The following SLCO1B1 variants were observed in gnomAD, a reference collection of about 807,000 sequenced individuals.
SLCO1B1 encodes solute carrier organic anion transporter family member 1B1.
Under a neutral mutation model 70.1 loss-of-function variants are expected in SLCO1B1, and 81 were observed. That is an observed-to-expected ratio of 1.16 (90% CI 0.97 to 1.39). The LOEUF is 1.39. Among genes scored for constraint, SLCO1B1 ranks in the 40% most tolerant of loss-of-function variants. The pLI, the probability that SLCO1B1 is intolerant of heterozygous loss-of-function variation, is 0.00. For synonymous variants in SLCO1B1, 283 were observed against 271.5 expected (o/e 1.04, Z -0.42); for missense variants, 895 against 799.6 (o/e 1.12, Z -1.44).
At chr12:21,170,257 G>C (rs554109416) in intron 2 of SLCO1B1, among the ~76,000 whole-genome samples, 1 of 152,262 alleles carries the variant, frequency 6.6e-6, no homozygotes, top group East Asian at 1.9e-4. Flanking sequence ...GCACAGGGTG[G>C]AGTGAGAAAG....
At chr12:21,166,636 C>T (rs949038029) in intron 2 of SLCO1B1, among the ~76,000 whole-genome samples, 5 of 152,122 alleles carry the variant, frequency 3.3e-5, no homozygotes, top group Admixed American at 6.5e-5. Flanking sequence ...AAAAATATAC[C>T]AAATACTGGC....
rs778504324 is a variant in SLCO1B1 at position 21,142,986 on chromosome 12, G to A, written c.84+1328G>A. On this transcript the variant is annotated intron_variant, in intron 2 of 14. Coordinates refer to ENST00000256958, the MANE Select transcript of SLCO1B1 (RefSeq NM_006446.5). ...CTGGGATAAGACTGGCATCCCTAAT[G>A]CTGGTATTTCAGAAACATCGCTAAA... Among the ~76,000 whole-genome samples the A allele has an allele frequency of 1.1e-4, 16 of 152,046 alleles. 1 individual carries two copies. Among genetic ancestry groups the A allele is most frequent in the Non-Finnish European group, 2.2e-4 (15 of 67,952 alleles).
chr12:21,155,647 T>C (rs1383114044), intron 2 of SLCO1B1, among the ~76,000 whole-genome samples: 1 of 152,174 alleles, frequency 6.6e-6, no homozygotes, highest in African/African-American at 2.4e-5. Flanking sequence ...AGGATAGAAC[T>C]CTGTCATTGT....
intron 12 of SLCO1B1, among the ~76,000 whole-genome samples, chr12:21,220,113 T>C (rs2121185364): frequency 1.3e-5 from 2 of 152,306 alleles, no homozygotes; most frequent in South Asian, 4.1e-4. Context: ...ACATTGAATG[T>C]GGCATGTGAG....
intron 2 of SLCO1B1, among the ~76,000 whole-genome samples, chr12:21,152,403 T>C (rs576880434): frequency 4.9e-4 from 75 of 151,836 alleles, no homozygotes; most frequent in African/African-American, 1.7e-3. Context: ...TCTTCAAAAT[T>C]ATATATATTT....
rs1211931540 is a variant in SLCO1B1 at position 21,222,372 on chromosome 12, G to GGAAAAA, written c.1747+8_1747+9insGAAAAA. On this transcript the variant is annotated intron_variant, in intron 13 of 14. Transcript: ENST00000256958. The stretch of plus-strand genomic sequence containing the variant: ...TGGTTATACGAGCACTAGGTATGAT[G>GGAAAAA]AAAAAAAAAAAAAAAAAAAAAAAAA... 7 of 24,938 alleles carry GGAAAAA rather than the reference G, an allele frequency of 2.8e-4. No homozygotes were observed. The highest frequency in any genetic ancestry group is 1.0e-3 in the Admixed American group (1 of 988). The allele number at this position is 24,938 out of a possible 1,614,324, so 1.5% of individuals were successfully genotyped here.
intron 14 of SLCO1B1, among the ~76,000 whole-genome samples, chr12:21,228,026 A>G (rs1465590673): frequency 1.3e-5 from 2 of 152,046 alleles, no homozygotes; most frequent in Non-Finnish European, 2.9e-5. Context: ...ATATATATGC[A>G]TATATAAGAC....
intron 10 of SLCO1B1, among the ~76,000 whole-genome samples, chr12:21,203,223 A>G (rs1245981940): frequency 1.3e-5 from 2 of 152,036 alleles, no homozygotes; most frequent in Admixed American, 1.3e-4. Context: ...TTTGCAAGCT[A>G]ATATTGTTTT....
At chr12:21,211,257 G>C (rs1295182178) in intron 11 of SLCO1B1, among the ~76,000 whole-genome samples, 1 of 152,168 alleles carries the variant, frequency 6.6e-6, no homozygotes, top group Non-Finnish European at 1.5e-5. Flanking sequence ...TTTATTGAGA[G>C]TTTTTAGCAT....
rs77271279 is a variant in SLCO1B1 at position 21,176,898 on chromosome 12, G to T, written c.481+1G>T. The stretch of plus-strand genomic sequence containing the variant: ...GCATCACCTGAGATAGTGGGAAAAG[G>T]TAAGAATTAATATTGACAGTAAAAA... On this transcript the variant is annotated splice_donor_variant, in intron 5 of 14. Transcript: ENST00000256958. LOFTEE classifies it high-confidence loss of function. The T allele has an allele frequency of 1.6e-3, 2,508 of 1,547,080 alleles. 46 individuals are homozygous for T. In the African/African-American group the frequency reaches 0.029, roughly 18 times the overall value.
chr12:21,219,783 G>A (rs1222271481), intron 12 of SLCO1B1, among the ~76,000 whole-genome samples: 2 of 152,096 alleles, frequency 1.3e-5, no homozygotes, highest in Non-Finnish European at 2.9e-5. Context: ...ATTTTTGAGA[G>A]ACAGTCTTGC....
At chr12:21,142,392 G>A (rs897449387) in intron 2 of SLCO1B1, among the ~76,000 whole-genome samples, 4 of 151,960 alleles carry the variant, frequency 2.6e-5, no homozygotes, top group Admixed American at 6.6e-5. Context: ...CATCTACATT[G>A]TGAATTGAAA....
intron 14 of SLCO1B1, among the ~76,000 whole-genome samples, chr12:21,226,437 TA>T (rs906387339): frequency 6.6e-6 from 1 of 151,364 alleles, no homozygotes; most frequent in East Asian, 1.9e-4. Context: ...AAAAGAACAT[TA>T]AAAAAAATTA....
intron 14 of SLCO1B1, among the ~76,000 whole-genome samples, chr12:21,238,229 A>G (rs1281074646): frequency 1.3e-5 from 2 of 152,140 alleles, no homozygotes; most frequent in Admixed American, 6.5e-5. Flanking sequence ...CTATCTACTA[A>G]TAAGCCCATC....
intron 1 of SLCO1B1, among the ~76,000 whole-genome samples, chr12:21,134,813 T>A (rs962545586): frequency 2.0e-5 from 3 of 152,088 alleles, no homozygotes; most frequent in Admixed American, 2.0e-4. Context: ...TTTTGAAGGG[T>A]TTTTTGTGTC....
At chr12:21,214,889 C>T (rs956795113) in intron 11 of SLCO1B1, among the ~76,000 whole-genome samples, 2 of 151,994 alleles carry the variant, frequency 1.3e-5, no homozygotes, top group African/African-American at 4.8e-5. Context: ...CCTTGCGCTT[C>T]CCAAGCCAGG....
rs145167231 is a variant in SLCO1B1, at chr12:21,200,572, G to A, written c.1035G>A (p.Thr345=). 40 of 1,607,600 alleles carry A rather than the reference G, an allele frequency of 2.5e-5. No homozygotes were observed. The Middle Eastern group carries it at 9.9e-4, about 40-fold the overall frequency. ...TGTATGTTATGTTTGTGCTTTTGAC[G>A]TTGTTACAAGTAAGCAGCTATATTG... ...NPLYVMFVLL[T]LLQVSSYIGA... The change falls in exon 9 of 15, where the codon ACG becomes ACA. Residue 345 remains threonine (T), a synonymous_variant. Coordinates refer to ENST00000256958, the MANE Select transcript of SLCO1B1 (RefSeq NM_006446.5).
Position 21,176,898 on chromosome 12 carries a change from G to A in SLCO1B1, c.481+1G>A. On this transcript the variant is annotated splice_donor_variant, in intron 5 of 14. Transcript: ENST00000256958. LOFTEE classifies it high-confidence loss of function. Reference sequence around the variant, plus strand: ...GCATCACCTGAGATAGTGGGAAAAGGTAAGAATTAATATTGACAGTAAAAA... The same window carrying A: ...GCATCACCTGAGATAGTGGGAAAAGATAAGAATTAATATTGACAGTAAAAA... The A allele has an allele frequency of 6.5e-7, 1 of 1,547,120 alleles. No individual in the cohort carries two copies.
intron 13 of SLCO1B1, among the ~76,000 whole-genome samples, chr12:21,223,327 T>C (rs1405423083): frequency 2.6e-5 from 4 of 152,240 alleles, no homozygotes; most frequent in Middle Eastern, 3.4e-3. Flanking sequence ...ACAATTGTCT[T>C]GAATACAATA....
Sources: allele counts gnomAD v4.1 joint callset (sites outside exome capture counted in the v4.1 genomes callset), GRCh38; gene constraint gnomAD v4.1.1; transcripts MANE v1.5; gene names NCBI Gene and HGNC (gene_info 2026-07-23, HGNC 2026-07-21).